PDP1: variants seen among roughly 807,000 people sequenced by gnomAD.
The protein encoded by PDP1 is pyruvate dehydrogenase phosphatase catalytic subunit 1.
Under a neutral mutation model 37.1 loss-of-function variants are expected in PDP1, and 14 were observed. The ratio of observed to expected loss-of-function variants is 0.38; its 90% CI spans 0.25 to 0.59. PDP1 has a LOEUF of 0.59. PDP1 is among the 20% of genes least tolerant of loss of function. The pLI is 0.67. For synonymous variants in PDP1, 251 were observed against 243.3 expected, an observed-to-expected ratio of 1.03 and a Z score of -0.29; for missense variants, 544 against 655.3, an observed-to-expected ratio of 0.83 and a Z score of 1.85.
At chr8:93,918,069 A>G (rs1414319657) in intron 1 of PDP1, 1 of 1,059,144 alleles carries the variant, frequency 9.4e-7, no homozygotes, top group African/African-American at 1.6e-5. Context: ...AAAAAGGGAC[A>G]AACGCGTCTT....
rs1273036747 is a variant in PDP1, at chr8:93,924,830, T to G, written c.*1157T>G. 6.0e-6 allele frequency: 1 copy of G among 167,114 alleles called. No homozygotes were observed. The highest frequency in any genetic ancestry group is 2.4e-5 in the African/African-American group (1 of 41,470). 10.4% of individuals were successfully genotyped at this position (167,114 alleles called of 1,614,324 possible). A position where few individuals can be genotyped will look rare whatever the true frequency, so the allele number is the denominator to read the frequency against. ...ATGAGAAACTTTAAAAGGTAACTACTGTGCATGCCTGATGCTTAATAGAAT... is the reference window on the plus strand; with the variant it reads ...ATGAGAAACTTTAAAAGGTAACTACGGTGCATGCCTGATGCTTAATAGAAT... On this transcript the variant is annotated 3_prime_UTR_variant, in exon 2 of 2. Transcript: ENST00000297598.
Position 93,922,101 on chromosome 8 carries a change from CTG to C in PDP1, c.45_46del (p.Cys15Ter), listed in dbSNP as rs1810293931. 1 of 1,614,030 alleles carries C rather than the reference CTG, an allele frequency of 6.2e-7. No homozygotes were observed. Among genetic ancestry groups the C allele is most frequent in the Non-Finnish European group, 8.5e-7 (1 of 1,179,882 alleles). On this transcript the variant is annotated frameshift_variant, in exon 2 of 2. Coordinates refer to ENST00000297598, the MANE Select transcript of PDP1 (RefSeq NM_018444.4). LOFTEE classifies it high-confidence loss of function. This position sits in a 1 kb window ranked among gnomAD's most constrained non-coding sequence, Gnocchi z 4.0. The stretch of plus-strand genomic sequence containing the variant: ...AACTGTTTTTTCCTCTCATCCGTAA[CTG>C]TGAACTGAGCAGGATCTATGGCACT... ...TQLFFPLIRN[C>X]ELSRIYGTAC...
At position 93,922,355 on chromosome 8, in the gene PDP1, C is replaced by T; in HGVS notation, c.296C>T (p.Pro99Leu). Reference protein sequence around the residue: ...LKANEYSFKVPEFDGKNVSSI... With the variant: ...LKANEYSFKVLEFDGKNVSSI... The stretch of plus-strand genomic sequence containing the variant: ...GCTAATGAATACAGTTTCAAAGTGC[C>T]AGAATTTGACGGCAAAAATGTCAGT... Residue 99 changes from proline to leucine, a missense_variant, in exon 2 of 2, where the codon CCA (proline) becomes CTA (leucine). Physicochemically the swap from Pro to Leu is moderately conservative, Grantham distance 98 (BLOSUM62 -3). This residue lies in a region of PDP1 where 342 missense variants were observed against 414.0 expected (regional missense o/e 0.83). Transcript: ENST00000297598. The surrounding 1 kb of genome is among the most constrained non-coding windows in gnomAD (Gnocchi z 4.0). 10 of 1,614,162 alleles carry T rather than the reference C, an allele frequency of 6.2e-6. No homozygotes were observed. Among genetic ancestry groups the T allele is most frequent in the Non-Finnish European group, 7.6e-6 (9 of 1,180,016 alleles).
chr8:93,921,819 G>T (rs943361719), intron 1 of PDP1, 197 bp from the exon 2 acceptor site: 2 of 512,748 alleles, frequency 3.9e-6, no homozygotes, highest in African/African-American at 3.8e-5. Flanking sequence ...GTGGTTCCAC[G>T]AATGATTGGG....
chr8:93,918,349 C>T (rs1368990964), intron 1 of PDP1, among the ~76,000 whole-genome samples: 2 of 152,150 alleles, frequency 1.3e-5, no homozygotes, highest in Non-Finnish European at 2.9e-5. Context: ...TCATTTACAT[C>T]AGAAGCTTTG....
In PDP1 at chr8:93,923,799, G is replaced by A. The variant is rs1810362804; in HGVS notation, c.*126G>A. 1 of 840,326 alleles carries A rather than the reference G, an allele frequency of 1.2e-6. No homozygotes were observed. The highest frequency in any genetic ancestry group is 1.7e-5 in the African/African-American group (1 of 59,220). The allele number at this position is 840,326 out of a possible 1,614,324, so 52.1% of individuals were successfully genotyped here. A position where few individuals can be genotyped will look rare whatever the true frequency, so the allele number is the denominator to read the frequency against. ...AAGCATTTACCCTTTTGATACTCTA[G>A]CTAGTCAGGTACTCCAAATTGACTT... On this transcript the variant is annotated 3_prime_UTR_variant, in exon 2 of 2. Coordinates refer to ENST00000297598, the MANE Select transcript of PDP1 (RefSeq NM_018444.4). The surrounding 1 kb of genome is among the most constrained non-coding windows in gnomAD (Gnocchi z 4.3).
At position 93,922,379 on chromosome 8, in the gene PDP1, G is replaced by C. The variant is rs1460873710; in HGVS notation, c.320G>C (p.Ser107Thr). The C allele has an allele frequency of 6.2e-7, 1 of 1,614,222 alleles. No homozygotes were observed. ...CCAGAATTTGACGGCAAAAATGTCA[G>C]TTCTATCCTTGGATTTGACAGCAAT... is the stretch of plus-strand genomic sequence containing the variant. ...KVPEFDGKNVSSILGFDSNQL... is the reference protein window; with the variant it reads ...KVPEFDGKNVTSILGFDSNQL... Residue 107 changes from serine (S) to threonine (T), a missense_variant, in exon 2 of 2, where the codon AGT becomes ACT. This residue lies in a region of PDP1 where 342 missense variants were observed against 414.0 expected (regional missense o/e 0.83). Transcript: ENST00000297598. The surrounding 1 kb of genome is among the most constrained non-coding windows in gnomAD (Gnocchi z 4.0).
At chr8:93,919,503 C>A (rs890486509) in intron 1 of PDP1, among the ~76,000 whole-genome samples, 9 of 137,608 alleles carry the variant, frequency 6.5e-5, no homozygotes, top group African/African-American at 2.1e-4. Flanking sequence ...CCCTCCCCCC[C>A]CCCGGCAAAA....
rs758705968 is a variant in PDP1, at chr8:93,922,387, C to G, written c.328C>G (p.Leu110Val). 8.1e-6 allele frequency: 13 copies of G among 1,614,046 alleles called. No homozygotes were observed. The African/African-American group carries it at 1.2e-4, about 15-fold the overall frequency. The part of the protein sequence containing the change: ...EFDGKNVSSI[L>V]GFDSNQLPAN... ...TGACGGCAAAAATGTCAGTTCTATC[C>G]TTGGATTTGACAGCAATCAGCTGCC... Residue 110 changes from leucine (L) to valine (V), a missense_variant, in exon 2 of 2, where the codon CTT becomes GTT. Physicochemically the swap from Leu to Val is conservative, Grantham distance 32. Coordinates refer to ENST00000297598, the MANE Select transcript of PDP1 (RefSeq NM_018444.4). This position sits in a 1 kb window ranked among gnomAD's most constrained non-coding sequence, Gnocchi z 4.0.
Position 93,925,014 on chromosome 8 carries a change from G to T in PDP1, c.*1341G>T, listed in dbSNP as rs573640783. 1.1e-4 allele frequency: 18 copies of T among 167,094 alleles called. No homozygotes were observed. Among genetic ancestry groups the T allele is most frequent in the African/African-American group, 4.3e-4 (18 of 41,558 alleles). 10.4% of individuals were successfully genotyped at this position (167,094 alleles called of 1,614,324 possible). On this transcript the variant is annotated 3_prime_UTR_variant, in exon 2 of 2. Transcript: ENST00000297598. ...GTTTAATAGTGATCTGTATACAGCT[G>T]TGCACATATTGTCATCACTTATTCT... is the stretch of plus-strand genomic sequence containing the variant.
At position 93,924,539 on chromosome 8, in the gene PDP1, T is replaced by C. The variant is rs1319128774; in HGVS notation, c.*866T>C. 1 of 167,084 alleles carries C rather than the reference T, an allele frequency of 6.0e-6. No homozygotes were observed. Among genetic ancestry groups the C allele is most frequent in the Non-Finnish European group, 1.5e-5 (1 of 68,122 alleles). The allele number at this position is 167,084 out of a possible 1,614,324, so 10.4% of individuals were successfully genotyped here. A position where few individuals can be genotyped will look rare whatever the true frequency, so the allele number is the denominator to read the frequency against. ...CCAAAGGCTTGGCATGCCGTAAGTG[T>C]GTGGTGGGTAGACTGCTGCCGGGGA... On this transcript the variant is annotated 3_prime_UTR_variant, in exon 2 of 2. Transcript: ENST00000297598.
chr8:93,920,328 A>G (rs915887154), intron 1 of PDP1, among the ~76,000 whole-genome samples: 1 of 152,220 alleles, frequency 6.6e-6, no homozygotes, highest in African/African-American at 2.4e-5. Context: ...TATGGCTGAC[A>G]CATGCTATGA....
In PDP1 at chr8:93,917,774, C is replaced by T. The variant is rs762475058; in HGVS notation, c.-45+695C>T. 2.6e-6 allele frequency: 4 copies of T among 1,560,934 alleles called. No homozygotes were observed. The East Asian group carries it at 9.5e-5, about 37-fold the overall frequency. ...TCACCGGGCTGGAGCGAGACCTCGCCCCTCCTCCGCTCCCGCCTCCCCGCC... is the reference window on the plus strand; with the variant it reads ...TCACCGGGCTGGAGCGAGACCTCGCTCCTCCTCCGCTCCCGCCTCCCCGCC... On this transcript the variant is annotated intron_variant, in intron 1 of 1. Coordinates refer to ENST00000297598, the MANE Select transcript of PDP1 (RefSeq NM_018444.4).
chr8:93,923,476 T>C lies in PDP1; in HGVS notation c.1417T>C (p.Phe473Leu), dbSNP rs201132164. Residue 473 changes from phenylalanine to leucine, a missense_variant, in exon 2 of 2, where the codon TTT (phenylalanine) becomes CTT (leucine). Physicochemically the swap from Phe to Leu is conservative, Grantham distance 22 (BLOSUM62 0). Coordinates refer to ENST00000297598, the MANE Select transcript of PDP1 (RefSeq NM_018444.4). This position sits in a 1 kb window ranked among gnomAD's most constrained non-coding sequence, Gnocchi z 4.3. ...AAGGAGAACCAAAATGTCCTCGGTA[T>C]TTGAGGATCAGAACGCAGCAACCCA... ...TERRTKMSSV[F>L]EDQNAATHLI... is the part of the protein sequence containing the mutation. 8 of 1,602,010 alleles carry C rather than the reference T, an allele frequency of 5.0e-6. No individual in the cohort carries two copies. The highest frequency in any genetic ancestry group is 4.0e-5 in the African/African-American group (3 of 74,520).
chr8:93,917,269 C>T (rs1349224371), intron 1 of PDP1, 190 bp downstream of exon 1: 1 of 59,704 alleles, frequency 1.7e-5, no homozygotes, highest in Non-Finnish European at 3.2e-5. Context: ...CGCTGGGGGC[C>T]GTCGGGGGGC....
intron 1 of PDP1, chr8:93,920,793 G>A (rs1487247045): frequency 1.4e-6 from 1 of 712,672 alleles, no homozygotes; most frequent in Non-Finnish European, 1.7e-6. Flanking sequence ...ATTTACAATT[G>A]ACACATAATA....
At chr8:93,919,285 T>C (rs1810184259) in intron 1 of PDP1, 1 of 238,850 alleles carries the variant, frequency 4.2e-6, no homozygotes, top group Non-Finnish European at 6.8e-6. Flanking sequence ...CCCAGCACTT[T>C]GGGAGGCTGA....
At chr8:93,919,329 AC>A (rs1185502277) in intron 1 of PDP1, among the ~76,000 whole-genome samples, 1 of 152,182 alleles carries the variant, frequency 6.6e-6, no homozygotes, top group Non-Finnish European at 1.5e-5. Flanking sequence ...GGAGTTCGAG[AC>A]CAACCTGACC....
chr8:93,921,692 A>G (rs947607959), intron 1 of PDP1: 1 of 215,832 alleles, frequency 4.6e-6, no homozygotes, highest in Non-Finnish European at 9.2e-6. Context: ...TATAACCTTC[A>G]TCTCCTCAGC....
Sources: gnomAD v4.1 joint callset for allele counts (sites outside exome capture counted in the v4.1 genomes callset) on GRCh38, gnomAD v4.1.1 for gene constraint, gnomAD v4.1.1 regional missense constraint, Gnocchi (gnomAD v3.1) non-coding constraint, MANE v1.5 for transcripts, NCBI Gene and HGNC (gene_info 2026-07-23, HGNC 2026-07-21) for gene names.